The following RAD51B variants were observed in gnomAD, a reference collection of about 807,000 sequenced individuals.
The protein encoded by RAD51B is RAD51 paralog B.
Under a neutral mutation model 42.2 loss-of-function variants are expected in RAD51B, and 38 were observed. The observed-to-expected ratio is 0.90, with a 90% confidence interval of 0.70 to 1.18. The LOEUF (loss-of-function observed/expected upper bound fraction) is 1.18, where lower values mean the gene tolerates loss of function less well. Ranked by LOEUF, RAD51B falls within the 50% of genes most tolerant of loss-of-function variation. RAD51B has a pLI of 0.00. For missense variants in RAD51B, 373 were observed against 400.7 expected, an observed-to-expected ratio of 0.93 and a Z score of 0.59; for synonymous variants, 154 against 145.2, an observed-to-expected ratio of 1.06 and a Z score of -0.43.
intron 7 of RAD51B, among the ~76,000 whole-genome samples, chr14:67,940,676 G>C (rs2045169502): frequency 6.6e-6 from 1 of 151,886 alleles, no homozygotes; most frequent in African/African-American, 2.4e-5. Flanking sequence ...GTGTGTGTTT[G>C]TATCTGTATT....
intron 10 of RAD51B, among the ~76,000 whole-genome samples, chr14:68,524,669 T>C (rs1886809713): frequency 6.6e-6 from 1 of 152,256 alleles, no homozygotes; most frequent in African/African-American, 2.4e-5. Context: ...TTCAGAAGGA[T>C]TCCAGGCTGC....
At chr14:68,562,873 TCAGAAAC>T in intron 10 of RAD51B, 2 of 985,374 alleles carry the variant, frequency 2.0e-6, no homozygotes, top group Non-Finnish European at 2.4e-6. Flanking sequence ...AGAGAGGAAC[TCAGAAAC>T]CTCTGGGCAC....
chr14:68,577,743 C>T (rs1890027541), intron 10 of RAD51B, among the ~76,000 whole-genome samples: 1 of 144,138 alleles, frequency 6.9e-6, no homozygotes, highest in Admixed American at 6.9e-5. Flanking sequence ...CCTCTCTCAT[C>T]ACACACACAC....
intron 7 of RAD51B, among the ~76,000 whole-genome samples, chr14:68,086,380 G>A (rs1186917996): frequency 1.3e-5 from 2 of 152,096 alleles, no homozygotes; most frequent in Non-Finnish European, 2.9e-5. Flanking sequence ...CTAGGGTCTC[G>A]GGGTTTTTAT....
chr14:68,009,538 C>T (rs2075649689), intron 7 of RAD51B, among the ~76,000 whole-genome samples: 1 of 151,786 alleles, frequency 6.6e-6, no homozygotes, highest in Non-Finnish European at 1.5e-5. Context: ...TTGGTTCACT[C>T]ATGTATTTTT....
rs1893353793 is a variant in RAD51B, at chr14:68,678,203, G to T, written c.*11+27347G>T. On this transcript the variant is annotated intron_variant, in intron 11 of 11. Coordinates refer to the RAD51B transcript ENST00000488612. ...CCGCTGAGCTCCACCACCTCGTTCA[G>T]TCCATGTCGGCTGGTCCATGGCCCA... Among the ~76,000 whole-genome samples, 2 of 152,184 alleles carry T rather than the reference G, an allele frequency of 1.3e-5. 1 individual carries two copies. The highest frequency in any genetic ancestry group is 4.8e-5 in the African/African-American group (2 of 41,436).
chr14:68,517,382 C>T (rs1363758984), intron 10 of RAD51B, among the ~76,000 whole-genome samples: 1 of 152,018 alleles, frequency 6.6e-6, no homozygotes, highest in African/African-American at 2.4e-5. Context: ...CATTTATTCC[C>T]CCTGTAAGTT....
intron 7 of RAD51B, among the ~76,000 whole-genome samples, chr14:68,170,375 G>A (rs2078846793): frequency 6.6e-6 from 1 of 152,172 alleles, no homozygotes; most frequent in Non-Finnish European, 1.5e-5. Context: ...CAAAATGTCT[G>A]GCTCAGGTTT....
chr14:68,446,705 G>A (rs527358093), intron 9 of RAD51B, among the ~76,000 whole-genome samples: 3 of 152,194 alleles, frequency 2.0e-5, no homozygotes, highest in Admixed American at 6.5e-5. Context: ...ATAAATCAAC[G>A]TAGAGAAAAA....
At chr14:68,574,141 C>T (rs1415238351) in intron 10 of RAD51B, among the ~76,000 whole-genome samples, 5 of 152,128 alleles carry the variant, frequency 3.3e-5, no homozygotes, top group Non-Finnish European at 7.3e-5. Context: ...CAGGGTCTCG[C>T]TCTGTCACCC....
intron 10 of RAD51B, among the ~76,000 whole-genome samples, chr14:68,492,345 A>G (rs1418481410): frequency 2.0e-5 from 3 of 152,212 alleles, no homozygotes; most frequent in African/African-American, 7.2e-5. Context: ...CTCTGCTACC[A>G]TATAAGCCCT....
At chr14:68,070,273 T>G (rs2140463127) in intron 7 of RAD51B, among the ~76,000 whole-genome samples, 1 of 152,344 alleles carries the variant, frequency 6.6e-6, no homozygotes, top group East Asian at 1.9e-4. Context: ...TCAGAAGCTC[T>G]TTAGTTTAAT....
chr14:68,148,044 A>G (rs2078291287), intron 7 of RAD51B, among the ~76,000 whole-genome samples: 1 of 152,154 alleles, frequency 6.6e-6, no homozygotes. Context: ...AATAGATTAT[A>G]TTACATTTTC....
chr14:68,431,875 C>T (rs2140137044), intron 9 of RAD51B, among the ~76,000 whole-genome samples: 1 of 152,290 alleles, frequency 6.6e-6, no homozygotes, highest in Admixed American at 6.5e-5. Context: ...CCTGCTTTCT[C>T]TTGCGGGCAT....
intron 3 of RAD51B, among the ~76,000 whole-genome samples, chr14:67,830,107 C>T (rs999958334): frequency 2.6e-5 from 4 of 151,352 alleles, no homozygotes; most frequent in East Asian, 1.9e-4. Context: ...GTCATAACAA[C>T]GAAGAAGAGA....
At chr14:68,282,770 A>G (rs2081343976) in intron 7 of RAD51B, among the ~76,000 whole-genome samples, 2 of 152,132 alleles carry the variant, frequency 1.3e-5, no homozygotes, top group Admixed American at 1.3e-4. Flanking sequence ...AATTGGTTGC[A>G]CCTCTCCAGG....
intron 10 of RAD51B, among the ~76,000 whole-genome samples, chr14:68,538,633 T>A (rs1361246237): frequency 6.6e-6 from 1 of 152,188 alleles, no homozygotes; most frequent in East Asian, 1.9e-4. Context: ...ACACCGCTTT[T>A]TTTTTTTTTC....
At chr14:68,249,450 A>G (rs2080573100) in intron 7 of RAD51B, among the ~76,000 whole-genome samples, 1 of 152,244 alleles carries the variant, frequency 6.6e-6, no homozygotes, top group Non-Finnish European at 1.5e-5. Context: ...TTGTATTTTA[A>G]TTACAAAAGC....
At chr14:68,271,166 AC>A (rs1210322154) in intron 7 of RAD51B, among the ~76,000 whole-genome samples, 2 of 152,172 alleles carry the variant, frequency 1.3e-5, no homozygotes, top group East Asian at 3.9e-4. Flanking sequence ...GTCATTTATT[AC>A]GTTTATTGTC....
Sources: allele counts gnomAD v4.1 joint callset (sites outside exome capture counted in the v4.1 genomes callset), GRCh38; gene constraint gnomAD v4.1.1; transcripts MANE v1.5; gene names NCBI Gene and HGNC (gene_info 2026-07-23, HGNC 2026-07-21).